PCGF3: variants seen among roughly 807,000 people sequenced by gnomAD.
The protein encoded by PCGF3 is polycomb group ring finger 3.
PCGF3 carries 7 observed loss-of-function variants against 33.1 expected under a neutral mutation model. The observed-to-expected ratio is 0.21, with a 90% CI of 0.12 to 0.40. The LOEUF is 0.40. Ranked by LOEUF, PCGF3 falls within the 10% of genes least tolerant of loss-of-function variation. The probability of loss-of-function intolerance (pLI) is 1.00; values close to 1 mark genes in which losing one functional copy is unlikely to be tolerated. For missense variants in PCGF3, 211 were observed against 313.3 expected (o/e 0.67, Z 2.46); for synonymous variants, 153 against 121.3 (o/e 1.26, Z -1.72).
intron 8 of PCGF3, among the ~76,000 whole-genome samples, chr4:748,573 A>G (rs915342735): frequency 6.6e-6 from 1 of 152,240 alleles, no homozygotes; most frequent in African/African-American, 2.4e-5. Flanking sequence ...CGTGTGTCCA[A>G]CGTGGGATGT....
intron 10 of PCGF3, among the ~76,000 whole-genome samples, chr4:765,670 TTGC>T (rs893050278): frequency 3.9e-5 from 6 of 152,066 alleles, no homozygotes; most frequent in African/African-American, 1.4e-4. Context: ...TCAGCTGGTG[TTGC>T]TGCCTGGGGA....
chr4:761,443 C>T (rs1481742953), intron 9 of PCGF3, 27 bp downstream of exon 9: 4 of 1,551,398 alleles, frequency 2.6e-6, no homozygotes, highest in Non-Finnish European at 3.5e-6. Context: ...AAGTAGAAAC[C>T]ATAACAAGTC....
intron 1 of PCGF3, among the ~76,000 whole-genome samples, chr4:707,263 G>A (rs77554117): frequency 2.0e-5 from 3 of 152,058 alleles, no homozygotes; most frequent in Admixed American, 6.5e-5. Flanking sequence ...AGGGCCAGAC[G>A]TAGGGACCAG....
intron 1 of PCGF3, among the ~76,000 whole-genome samples, chr4:718,217 C>T (rs1460285513): frequency 1.3e-5 from 2 of 152,168 alleles, no homozygotes; most frequent in East Asian, 3.9e-4. Context: ...CAGGGTTGGG[C>T]CAGAGGTGCC....
intron 1 of PCGF3, among the ~76,000 whole-genome samples, chr4:722,786 C>A (rs1266966336): frequency 2.5e-5 from 2 of 78,926 alleles, no homozygotes; most frequent in South Asian, 6.0e-4. Context: ...TCCACACTCG[C>A]GTCATCGCCA....
chr4:743,592 C>G lies in PCGF3; in HGVS notation c.373+8C>G, dbSNP rs373322476. On this transcript the variant is annotated splice_region_variant and intron_variant, in intron 7 of 10. Coordinates refer to ENST00000362003, the Ensembl canonical transcript of PCGF3. ...TAGATTCCCATCGGAATGGTGAGTG[C>G]CCTGCGTGCCCATCCAGAAGCCCCG... is the stretch of plus-strand genomic sequence containing the variant. 1.7e-5 allele frequency: 26 copies of G among 1,509,858 alleles called. No homozygotes were observed. Among genetic ancestry groups the G allele is most frequent in the Non-Finnish European group, 2.4e-5 (26 of 1,085,464 alleles). 93.5% of individuals were successfully genotyped at this position (1,509,858 alleles called of 1,614,324 possible). A position where few individuals can be genotyped will look rare whatever the true frequency, so the allele number is the denominator to read the frequency against.
chr4:730,342 C>G (rs1743498548), intron 1 of PCGF3, among the ~76,000 whole-genome samples: 1 of 152,156 alleles, frequency 6.6e-6, no homozygotes, highest in Non-Finnish European at 1.5e-5. Context: ...CTTCTTGGGC[C>G]CAAAACAGCA....
At chr4:750,906 G>A (rs1414176225) in intron 8 of PCGF3, among the ~76,000 whole-genome samples, 1 of 151,662 alleles carries the variant, frequency 6.6e-6, no homozygotes, top group East Asian at 1.9e-4. Context: ...TACTAACATC[G>A]CTACAGTTGC....
chr4:740,411 A>G (rs1273223665), intron 6 of PCGF3, among the ~76,000 whole-genome samples: 1 of 152,082 alleles, frequency 6.6e-6, no homozygotes, highest in Non-Finnish European at 1.5e-5. Context: ...TAGAGGCAAC[A>G]TGTTTAAAAC....
intron 8 of PCGF3, among the ~76,000 whole-genome samples, chr4:753,372 T>C (rs1744611719): frequency 6.7e-6 from 1 of 149,172 alleles, no homozygotes; most frequent in South Asian, 2.3e-4. Flanking sequence ...AGAAGACTCT[T>C]GGCCGGGTGC....
At chr4:743,109 G>A (rs1744164633) in intron 6 of PCGF3, among the ~76,000 whole-genome samples, 1 of 152,228 alleles carries the variant, frequency 6.6e-6, no homozygotes, top group Non-Finnish European at 1.5e-5. Context: ...CACTGCTGTG[G>A]CCACAGTGTT....
chr4:728,410 G>A (rs896655850), intron 1 of PCGF3, among the ~76,000 whole-genome samples: 1 of 151,880 alleles, frequency 6.6e-6, no homozygotes, highest in Non-Finnish European at 1.5e-5. Context: ...TGGGGATGGC[G>A]TAGAGTGCGT....
intron 1 of PCGF3, among the ~76,000 whole-genome samples, chr4:724,790 T>G (rs1743257544): frequency 6.6e-6 from 1 of 151,882 alleles, no homozygotes; most frequent in South Asian, 2.1e-4. Flanking sequence ...AGAGCGAGAT[T>G]CCGTCTCACA....
At chr4:719,961 T>C (rs1743007349) in intron 1 of PCGF3, among the ~76,000 whole-genome samples, 1 of 152,082 alleles carries the variant, frequency 6.6e-6, no homozygotes, top group East Asian at 1.9e-4. Context: ...TGTGGTGCGG[T>C]TCACAGCGTT....
rs1416949316 is a variant in PCGF3 at position 733,970 on chromosome 4, C to T, written c.109+181C>T. On this transcript the variant is annotated intron_variant, in intron 4 of 10. Transcript: ENST00000362003. ...GAAAAGTCATTTCACGCTAAAGGTC[C>T]TGTGGGTGGTGTCAGAGCAGATGAG... is the stretch of plus-strand genomic sequence containing the variant. 3.2e-6 allele frequency: 5 copies of T among 1,551,350 alleles called. No homozygotes were observed. In the South Asian group the frequency reaches 4.7e-5, roughly 15 times the overall value.
intron 1 of PCGF3, among the ~76,000 whole-genome samples, chr4:715,998 G>A (rs1402054848): frequency 1.4e-5 from 2 of 140,892 alleles, no homozygotes; most frequent in South Asian, 2.4e-4. Context: ...AGAACTGGGC[G>A]TCGGTGCTGG....
chr4:739,210 CTTTA>C (rs1309391332), intron 6 of PCGF3, among the ~76,000 whole-genome samples: 1 of 151,898 alleles, frequency 6.6e-6, no homozygotes, highest in South Asian at 2.1e-4. Flanking sequence ...TTGTTTATTT[CTTTA>C]TTTATTTTGA....
intron 1 of PCGF3, among the ~76,000 whole-genome samples, chr4:724,639 C>T (rs758889764): frequency 2.0e-5 from 3 of 152,282 alleles, no homozygotes; most frequent in East Asian, 3.9e-4. Context: ...GCCTGGCCAA[C>T]GTGGTGAAAC....
chr4:760,289 G>A (rs763461942), intron 8 of PCGF3, among the ~76,000 whole-genome samples: 2 of 151,972 alleles, frequency 1.3e-5, no homozygotes, highest in African/African-American at 2.4e-5. Flanking sequence ...TGGGGCTCCC[G>A]TCTTCTCCCC....
Sources: allele counts gnomAD v4.1 joint callset (sites outside exome capture counted in the v4.1 genomes callset), GRCh38; gene constraint gnomAD v4.1.1; transcripts MANE v1.5; gene names NCBI Gene and HGNC (gene_info 2026-07-23, HGNC 2026-07-21).